ASTN2: variants seen among roughly 807,000 people sequenced by gnomAD.
ASTN2 encodes the protein astrotactin 2.
Under a neutral mutation model 139.8 loss-of-function variants are expected in ASTN2, and 54 were observed. The observed-to-expected ratio is 0.39, with a 90% CI of 0.31 to 0.48. The LOEUF is 0.48. Ranked by LOEUF, ASTN2 falls within the 20% of genes least tolerant of loss-of-function variation. ASTN2 has a pLI of 0.95. For synonymous variants in ASTN2, 756 were observed against 719.5 expected (o/e 1.05, Z -0.81); for missense variants, 1,565 against 1,725.1 (o/e 0.91, Z 1.64).
At chr9:116,545,051 C>A (rs1481349032) in intron 19 of ASTN2, among the ~76,000 whole-genome samples, 2 of 152,192 alleles carry the variant, frequency 1.3e-5, no homozygotes, top group East Asian at 3.9e-4. Context: ...GGGACAGTTC[C>A]TTCCAGCTTC....
intron 16 of ASTN2, among the ~76,000 whole-genome samples, chr9:116,704,869 T>C (rs914769025): frequency 1.3e-5 from 2 of 152,170 alleles, no homozygotes; most frequent in African/African-American, 2.4e-5. Flanking sequence ...CCAAGATTTT[T>C]TTAAAGATTT....
intron 10 of ASTN2, among the ~76,000 whole-genome samples, chr9:116,944,799 G>T (rs1417265650): frequency 6.6e-6 from 1 of 152,068 alleles, no homozygotes; most frequent in Admixed American, 6.5e-5. Flanking sequence ...GGGCAATGCT[G>T]GTTGGATATG....
intron 5 of ASTN2, among the ~76,000 whole-genome samples, chr9:117,049,202 T>C (rs765471579): frequency 3.3e-5 from 5 of 152,064 alleles, no homozygotes; most frequent in Non-Finnish European, 7.4e-5. Flanking sequence ...CTTATAAATG[T>C]ATCCAAATGC....
chr9:117,316,259 A>G (rs1252655850), intron 1 of ASTN2, among the ~76,000 whole-genome samples: 1 of 152,158 alleles, frequency 6.6e-6, no homozygotes, highest in East Asian at 1.9e-4. Flanking sequence ...ACCTTCTAGT[A>G]AGTCAGCTCC....
intron 2 of ASTN2, among the ~76,000 whole-genome samples, chr9:117,259,492 A>G (rs748671369): frequency 3.3e-5 from 5 of 152,164 alleles, no homozygotes; most frequent in Admixed American, 6.5e-5. Flanking sequence ...AGCACAGACC[A>G]TAGATCTAAT....
intron 19 of ASTN2, among the ~76,000 whole-genome samples, chr9:116,527,217 A>G (rs1432014047): frequency 6.6e-6 from 1 of 152,216 alleles, no homozygotes; most frequent in African/African-American, 2.4e-5. Context: ...AATACAAAGG[A>G]AACAATCAAC....
intron 10 of ASTN2, among the ~76,000 whole-genome samples, chr9:116,921,311 G>T (rs192878909): frequency 6.6e-6 from 1 of 152,308 alleles, no homozygotes; most frequent in East Asian, 1.9e-4. Flanking sequence ...CTACCTGGCT[G>T]GGCGTGGTGG....
At chr9:116,904,003 T>C (rs1787076965) in intron 10 of ASTN2, among the ~76,000 whole-genome samples, 1 of 152,190 alleles carries the variant, frequency 6.6e-6, no homozygotes, top group Admixed American at 6.5e-5. Flanking sequence ...TTAGTTGCAT[T>C]TGAAAGCCTC....
intron 13 of ASTN2, among the ~76,000 whole-genome samples, chr9:116,744,133 G>C (rs1446497552): frequency 6.6e-6 from 1 of 152,158 alleles, no homozygotes; most frequent in African/African-American, 2.4e-5. Context: ...TAGGCAGAAA[G>C]AACAGCATGC....
intron 19 of ASTN2, among the ~76,000 whole-genome samples, chr9:116,556,617 G>A (rs906129402): frequency 6.6e-6 from 1 of 152,172 alleles, no homozygotes; most frequent in Non-Finnish European, 1.5e-5. Flanking sequence ...TAGAGAGAGA[G>A]AAAGTGAAAA....
chr9:117,143,273 A>G (rs1251497744), intron 3 of ASTN2, among the ~76,000 whole-genome samples: 1 of 152,198 alleles, frequency 6.6e-6, no homozygotes, highest in Non-Finnish European at 1.5e-5. Context: ...ACTTGAAGAA[A>G]CCAAGAAGAT....
intron 16 of ASTN2, among the ~76,000 whole-genome samples, chr9:116,690,904 A>G (rs16933828): frequency 0.086 from 13,123 of 152,166 alleles, 1,886 homozygotes; most frequent in African/African-American, 0.3. Flanking sequence ...GTGCTGGAAG[A>G]GAACTAAGTG....
At chr9:116,949,750 A>G (rs1327220056) in intron 10 of ASTN2, among the ~76,000 whole-genome samples, 1 of 152,178 alleles carries the variant, frequency 6.6e-6, no homozygotes, top group Non-Finnish European at 1.5e-5. Flanking sequence ...GGGGTTATAG[A>G]GCCTTTATTG....
chr9:116,603,763 G>T (rs1180712176), intron 19 of ASTN2, among the ~76,000 whole-genome samples: 4 of 152,190 alleles, frequency 2.6e-5, no homozygotes, highest in Non-Finnish European at 5.9e-5. Context: ...GGAGATTCTG[G>T]TGAGTGAAGA....
At chr9:117,301,663 AC>A (rs1475659587) in intron 1 of ASTN2, among the ~76,000 whole-genome samples, 1 of 152,180 alleles carries the variant, frequency 6.6e-6, no homozygotes, top group East Asian at 1.9e-4. Flanking sequence ...TATGATAAGT[AC>A]CAGGGCAGTA....
chr9:116,659,913 A>G (rs1395735938), intron 16 of ASTN2, among the ~76,000 whole-genome samples: 1 of 152,166 alleles, frequency 6.6e-6, no homozygotes, highest in Non-Finnish European at 1.5e-5. Flanking sequence ...TCATCCAGGA[A>G]CCACACTTCT....
At chr9:116,461,535 C>T (rs1279237013) in intron 20 of ASTN2, among the ~76,000 whole-genome samples, 1 of 152,088 alleles carries the variant, frequency 6.6e-6, no homozygotes, top group Non-Finnish European at 1.5e-5. Context: ...AAAAGCTATC[C>T]ATGGCATCTC....
rs529281875 is a variant in ASTN2 at position 116,684,789 on chromosome 9, T to C, written c.2807-32996A>G. On this transcript the variant is annotated intron_variant, in intron 16 of 22. Coordinates refer to ENST00000313400, the MANE Select transcript of ASTN2 (RefSeq NM_001365068.1). Reference sequence around the variant, plus strand: ...ACCCTACACTTTAAGATTAAGGTGTTACAAAACCCAAAGTGATGGACTGAA... The same window carrying C: ...ACCCTACACTTTAAGATTAAGGTGTCACAAAACCCAAAGTGATGGACTGAA... Among the ~76,000 whole-genome samples, 9 of 152,276 alleles carry C rather than the reference T, an allele frequency of 5.9e-5. No homozygotes were observed. The East Asian group carries it at 1.5e-3, about 26-fold the overall frequency.
intron 19 of ASTN2, among the ~76,000 whole-genome samples, chr9:116,508,325 T>A (rs193068163): frequency 6.6e-6 from 1 of 152,334 alleles, no homozygotes; most frequent in Non-Finnish European, 1.5e-5. Context: ...CAGTGCATGG[T>A]AGTGGCGTCA....
Sources: allele counts gnomAD v4.1 joint callset (sites outside exome capture counted in the v4.1 genomes callset), GRCh38; gene constraint gnomAD v4.1.1; transcripts MANE v1.5; gene names NCBI Gene and HGNC (gene_info 2026-07-23, HGNC 2026-07-21).